CLNK: variants seen among roughly 807,000 people sequenced by gnomAD.
CLNK encodes cytokine dependent hematopoietic cell linker.
In CLNK, 74 loss-of-function variants were observed where a neutral mutation model predicts 68.6. The ratio of observed to expected loss-of-function variants is 1.08; its 90% CI spans 0.89 to 1.31. The LOEUF is 1.31. Among genes scored for constraint, CLNK ranks in the 50% most tolerant of loss-of-function variants. The pLI is 0.00. For synonymous variants in CLNK, 198 were observed against 172.2 expected (o/e 1.15, Z -1.17); for missense variants, 553 against 515.3 (o/e 1.07, Z -0.71).
At chr4:10,658,115 C>T (rs904330380) in intron 2 of CLNK, among the ~76,000 whole-genome samples, 3 of 152,150 alleles carry the variant, frequency 2.0e-5, no homozygotes, top group Non-Finnish European at 4.4e-5. Flanking sequence ...ACACCCCTTC[C>T]CAGGATTTGC....
intron 5 of CLNK, among the ~76,000 whole-genome samples, chr4:10,566,820 C>CA (rs374732623): frequency 1.2e-4 from 18 of 151,846 alleles, no homozygotes; most frequent in Non-Finnish European, 2.5e-4. Flanking sequence ...CTCATCTGTA[C>CA]AAAAATGTTT....
At chr4:10,542,119 C>CA (rs1156859323) in intron 9 of CLNK, 78 bp from the exon 10 acceptor site, 1 of 1,337,018 alleles carries the variant, frequency 7.5e-7, no homozygotes, top group African/African-American at 1.5e-5. Flanking sequence ...TTTTGGTTTA[C>CA]AAATAGAAAT....
At chr4:10,727,532 G>A in the CLNK span, among the ~76,000 whole-genome samples, 5 of 152,248 alleles carry the variant, frequency 3.3e-5, no homozygotes, top group Middle Eastern at 3.4e-3. Flanking sequence ...CATACCTTGC[G>A]ATCAGCTATT....
At chr4:10,642,438 A>G (rs1336252230) in intron 2 of CLNK, among the ~76,000 whole-genome samples, 1 of 152,168 alleles carries the variant, frequency 6.6e-6, no homozygotes, top group African/African-American at 2.4e-5. Flanking sequence ...CTGGAGAGTC[A>G]TTTAATTTAT....
chr4:10,629,148 A>G (rs1577181553), intron 2 of CLNK, among the ~76,000 whole-genome samples: 1 of 151,980 alleles, frequency 6.6e-6, no homozygotes, highest in East Asian at 1.9e-4. Context: ...TCTGCGCCTC[A>G]TTGAGGGGTT....
intron 2 of CLNK, among the ~76,000 whole-genome samples, chr4:10,608,041 A>C (rs966028458): frequency 6.6e-6 from 1 of 152,160 alleles, no homozygotes; most frequent in Non-Finnish European, 1.5e-5. Context: ...AGTCCCAAAA[A>C]ATCCATGTAC....
chr4:10,720,774 G>A, the CLNK span, among the ~76,000 whole-genome samples: 16 of 150,942 alleles, frequency 1.1e-4, no homozygotes, highest in African/African-American at 1.9e-4. Context: ...GTACGGGGAC[G>A]CTGGAAAACA....
At chr4:10,604,995 G>A (rs903106815) in intron 2 of CLNK, among the ~76,000 whole-genome samples, 1 of 152,206 alleles carries the variant, frequency 6.6e-6, no homozygotes, top group African/African-American at 2.4e-5. Context: ...CATCCAATCA[G>A]CTGAAGGCCT....
intron 2 of CLNK, among the ~76,000 whole-genome samples, chr4:10,617,898 C>T (rs1019053460): frequency 6.6e-6 from 1 of 151,042 alleles, no homozygotes; most frequent in African/African-American, 2.4e-5. Flanking sequence ...AGGCATGTTC[C>T]TTACATCTGA....
chr4:10,722,427 G>A, the CLNK span, among the ~76,000 whole-genome samples: 10 of 152,078 alleles, frequency 6.6e-5, no homozygotes, highest in East Asian at 1.9e-4. Flanking sequence ...TTTTCTCTGC[G>A]TGTGTTCCTG....
chr4:10,634,883 G>A (rs1458809723), intron 2 of CLNK, among the ~76,000 whole-genome samples: 1 of 152,140 alleles, frequency 6.6e-6, no homozygotes, highest in African/African-American at 2.4e-5. Context: ...GGACTTCTGG[G>A]CAGAAACTGA....
At chr4:10,596,650 T>C (rs1453082817) in intron 3 of CLNK, among the ~76,000 whole-genome samples, 1 of 152,014 alleles carries the variant, frequency 6.6e-6, no homozygotes, top group Non-Finnish European at 1.5e-5. Context: ...AAATATGCAG[T>C]GGTATAGAGA....
intron 4 of CLNK, among the ~76,000 whole-genome samples, chr4:10,578,380 G>A (rs1301971188): frequency 1.3e-5 from 2 of 151,918 alleles, no homozygotes; most frequent in Admixed American, 6.6e-5. Context: ...CTTCAAGCTG[G>A]GATCCCCTTC....
chr4:10,677,318 G>A (rs147285638), intron 1 of CLNK, among the ~76,000 whole-genome samples: 8 of 152,168 alleles, frequency 5.3e-5, no homozygotes, highest in African/African-American at 1.7e-4. Flanking sequence ...CATTTATTAA[G>A]CACCTGATGT....
At chr4:10,607,409 C>G (rs1421542369) in intron 2 of CLNK, among the ~76,000 whole-genome samples, 1 of 152,194 alleles carries the variant, frequency 6.6e-6, no homozygotes, top group African/African-American at 2.4e-5. Flanking sequence ...TGGGTTGTTT[C>G]AATGAACGCA....
chr4:10,517,812 G>C (rs925583299), intron 15 of CLNK, among the ~76,000 whole-genome samples: 9 of 152,154 alleles, frequency 5.9e-5, no homozygotes, highest in Non-Finnish European at 1.0e-4. Flanking sequence ...CTATGCATTT[G>C]TAGTTTGTTC....
intron 2 of CLNK, among the ~76,000 whole-genome samples, chr4:10,615,275 T>C (rs1030817601): frequency 6.6e-6 from 1 of 151,754 alleles, no homozygotes; most frequent in Admixed American, 6.6e-5. Flanking sequence ...AGGCCAGGAG[T>C]TCGAAACCAG....
intron 7 of CLNK, among the ~76,000 whole-genome samples, chr4:10,562,734 C>A (rs1465719433): frequency 6.6e-6 from 1 of 152,160 alleles, no homozygotes; most frequent in African/African-American, 2.4e-5. Flanking sequence ...AAATATCATT[C>A]ATTCTTTCAG....
chr4:10,515,576 A>G (rs1388119932), intron 15 of CLNK, among the ~76,000 whole-genome samples: 1 of 152,232 alleles, frequency 6.6e-6, no homozygotes, highest in African/African-American at 2.4e-5. Flanking sequence ...CTAAAAATGA[A>G]CAAAGTGAGC....
Sources: allele counts gnomAD v4.1 joint callset (sites outside exome capture counted in the v4.1 genomes callset), GRCh38; gene constraint gnomAD v4.1.1; transcripts MANE v1.5; gene names NCBI Gene and HGNC (gene_info 2026-07-23, HGNC 2026-07-21).